Variants in SH3BGRL2 observed in about 807,000 individuals in gnomAD.
SH3BGRL2 encodes SH3 domain binding glutamate rich protein like 2.
SH3BGRL2 carries 21 observed loss-of-function variants against 14.8 expected under a neutral mutation model. The ratio of observed to expected loss-of-function variants is 1.42; its 90% CI spans 1.01 to 2.05. The LOEUF is 2.05. SH3BGRL2 is among the 30% of genes most tolerant of loss of function. The pLI is 0.00. For synonymous variants in SH3BGRL2, 50 were observed against 47.8 expected, an observed-to-expected ratio of 1.05 and a Z score of -0.19; for missense variants, 147 against 130.8, an observed-to-expected ratio of 1.12 and a Z score of -0.61.
the SH3BGRL2 span, among the ~76,000 whole-genome samples, chr6:79,593,413 C>T: frequency 1.3e-5 from 2 of 152,038 alleles, no homozygotes. Flanking sequence ...AGGATTCTGC[C>T]CAGTCCTAGA....
chr6:79,576,388 A>T, the SH3BGRL2 span, among the ~76,000 whole-genome samples: 1 of 152,170 alleles, frequency 6.6e-6, no homozygotes, highest in Non-Finnish European at 1.5e-5. Flanking sequence ...TTCATTTGAA[A>T]ATGTCTACAT....
At chr6:79,690,177 A>G in intron 2 of SH3BGRL2, among the ~76,000 whole-genome samples, 1 of 152,082 alleles carries the variant, frequency 6.6e-6, no homozygotes, top group East Asian at 1.9e-4. Flanking sequence ...TATTTTTTAG[A>G]GACGGGGTCT....
chr6:79,574,862 G>C, the SH3BGRL2 span: 1 of 152,214 alleles, frequency 6.6e-6, no homozygotes, highest in African/African-American at 2.4e-5. Context: ...GGTTAGAACA[G>C]CTAAGGGCTG....
intron 1 of SH3BGRL2, among the ~76,000 whole-genome samples, chr6:79,668,965 A>G (rs562691690): frequency 6.6e-6 from 1 of 152,326 alleles, no homozygotes; most frequent in Admixed American, 6.5e-5. Context: ...GGATTGAGAA[A>G]TACTGTCATT....
the SH3BGRL2 span, among the ~76,000 whole-genome samples, chr6:79,587,332 G>C: frequency 2.0e-5 from 3 of 152,214 alleles, no homozygotes; most frequent in Admixed American, 2.0e-4. Flanking sequence ...ACCTAAGGAT[G>C]TGAAGTAACT....
intron 1 of SH3BGRL2, among the ~76,000 whole-genome samples, chr6:79,662,941 C>G (rs1769583599): frequency 6.6e-6 from 1 of 152,162 alleles, no homozygotes; most frequent in Non-Finnish European, 1.5e-5. Context: ...ATCAAATCGG[C>G]TGTTGAAGCT....
the SH3BGRL2 span, among the ~76,000 whole-genome samples, chr6:79,618,417 G>T: frequency 6.6e-6 from 1 of 152,110 alleles, no homozygotes; most frequent in Admixed American, 6.6e-5. Flanking sequence ...AAAGAAAATG[G>T]CCAGGTTGGG....
At chr6:79,664,939 C>T (rs1235806440) in intron 1 of SH3BGRL2, among the ~76,000 whole-genome samples, 1 of 152,202 alleles carries the variant, frequency 6.6e-6, no homozygotes, top group Non-Finnish European at 1.5e-5. Context: ...TGGTGGCTCA[C>T]GTCTGTAATC....
In SH3BGRL2 at chr6:79,702,638, G is replaced by A. The variant is rs1278952437; in HGVS notation, c.*3129G>A. The A allele has an allele frequency of 6.6e-6, 1 of 152,196 alleles. No homozygotes were observed. Among genetic ancestry groups the A allele is most frequent in the African/African-American group, 2.4e-5 (1 of 41,456 alleles). The allele number at this position is 152,196 out of a possible 1,614,324, so 9.4% of individuals were successfully genotyped here. A position where few individuals can be genotyped will look rare whatever the true frequency, so the allele number is the denominator to read the frequency against. On this transcript the variant is annotated 3_prime_UTR_variant, in exon 4 of 4. Transcript: ENST00000369838. ...ATGCATGAAAGCAGCACATTAAATT[G>A]TAAAAATACAAACAGATCGTGTGAT...
chr6:79,696,432 A>G (rs1201797025), intron 2 of SH3BGRL2, 53 bp from the exon 3 acceptor site: 7 of 1,310,050 alleles, frequency 5.3e-6, no homozygotes, highest in Non-Finnish European at 7.5e-6. Flanking sequence ...TACCAAATAT[A>G]AAGATAATTG....
chr6:79,567,183 C>T, the SH3BGRL2 span, among the ~76,000 whole-genome samples: 2 of 152,096 alleles, frequency 1.3e-5, no homozygotes, highest in African/African-American at 4.8e-5. Context: ...AAATTACTTA[C>T]CTCTTACTTG....
At position 79,703,443 on chromosome 6, in the gene SH3BGRL2, A is replaced by G. The variant is rs1281940870; in HGVS notation, c.*3934A>G. The G allele has an allele frequency of 6.6e-6, 1 of 152,164 alleles. No homozygotes were observed. The highest frequency in any genetic ancestry group is 1.9e-4 in the East Asian group (1 of 5,198). The allele number at this position is 152,164 out of a possible 1,614,324, so 9.4% of individuals were successfully genotyped here. On this transcript the variant is annotated 3_prime_UTR_variant, in exon 4 of 4. Coordinates refer to ENST00000369838, the MANE Select transcript of SH3BGRL2 (RefSeq NM_031469.4). ...TATATGCTAAAGTATAAAGAGTAAT[A>G]ATAATGACAATAAACAAACCCCTGT... is the stretch of plus-strand genomic sequence containing the variant.
At chr6:79,566,893 T>C in the SH3BGRL2 span, among the ~76,000 whole-genome samples, 1 of 86,526 alleles carries the variant, frequency 1.2e-5, no homozygotes, top group Non-Finnish European at 2.4e-5. Flanking sequence ...CAAGACTCTG[T>C]CTCTAAAAAA....
the SH3BGRL2 span, among the ~76,000 whole-genome samples, chr6:79,616,595 A>G: frequency 7.4e-6 from 1 of 135,032 alleles, no homozygotes; most frequent in South Asian, 2.6e-4. Flanking sequence ...TGCCTGAGGT[A>G]ACACAGACAG....
the SH3BGRL2 span, among the ~76,000 whole-genome samples, chr6:79,621,750 T>A: frequency 6.6e-6 from 1 of 152,050 alleles, no homozygotes; most frequent in African/African-American, 2.4e-5. Context: ...GCTCTCCCAT[T>A]CTCCTTCTTG....
At chr6:79,592,115 A>C in the SH3BGRL2 span, among the ~76,000 whole-genome samples, 4 of 152,196 alleles carry the variant, frequency 2.6e-5, no homozygotes, top group Non-Finnish European at 5.9e-5. Flanking sequence ...ATGTTAGCAC[A>C]ATCCTGGTGT....
At chr6:79,540,328 G>A in the SH3BGRL2 span, among the ~76,000 whole-genome samples, 270 of 152,104 alleles carry the variant, frequency 1.8e-3, 2 homozygotes, top group African/African-American at 6.2e-3. Context: ...CCAGCTACTC[G>A]GGAGGCTGAG....
chr6:79,586,808 G>A, the SH3BGRL2 span, among the ~76,000 whole-genome samples: 2 of 152,088 alleles, frequency 1.3e-5, no homozygotes, highest in Admixed American at 6.5e-5. Flanking sequence ...TCTTCACACT[G>A]CAAATATGAC....
At chr6:79,542,294 T>G in the SH3BGRL2 span, among the ~76,000 whole-genome samples, 1 of 150,408 alleles carries the variant, frequency 6.6e-6, no homozygotes, top group Non-Finnish European at 1.5e-5. Flanking sequence ...CGAGACAGGG[T>G]TTCACTCTTG....
Sources: allele counts gnomAD v4.1 joint callset (sites outside exome capture counted in the v4.1 genomes callset), GRCh38; gene constraint gnomAD v4.1.1; transcripts MANE v1.5; gene names NCBI Gene and HGNC (gene_info 2026-07-23, HGNC 2026-07-21).